PDLIM5: variants seen among roughly 807,000 people sequenced by gnomAD.
PDLIM5 encodes PDZ and LIM domain 5.
A neutral mutation model predicts 64.2 loss-of-function variants in PDLIM5; 34 were observed. The observed-to-expected ratio is 0.53, with a 90% CI of 0.40 to 0.71. The LOEUF (loss-of-function observed/expected upper bound fraction) is 0.71. Among genes scored for constraint, PDLIM5 ranks in the 30% least tolerant of loss-of-function variants. PDLIM5 has a pLI of 0.00. For synonymous variants in PDLIM5, 253 were observed against 269.1 expected (o/e 0.94, Z 0.59); for missense variants, 683 against 733.6 (o/e 0.93, Z 0.80).
chr4:94,590,621 C>T (rs1736600381), intron 7 of PDLIM5, among the ~76,000 whole-genome samples: 2 of 152,062 alleles, frequency 1.3e-5, no homozygotes, highest in African/African-American at 2.4e-5. Context: ...TCTGAGGAGA[C>T]GACCTTAATG....
At chr4:94,492,030 C>A (rs1297904706) in intron 2 of PDLIM5, among the ~76,000 whole-genome samples, 1 of 151,742 alleles carries the variant, frequency 6.6e-6, no homozygotes, top group Non-Finnish European at 1.5e-5. Flanking sequence ...ATCTTTTGAC[C>A]AGTAACTCCC....
At chr4:94,585,001 AC>A in intron 5 of PDLIM5, 1 of 1,509,464 alleles carries the variant, frequency 6.6e-7, no homozygotes, top group Non-Finnish European at 9.2e-7. Context: ...TCCCACCTAA[AC>A]GGTAATCTTT....
rs114621202 is a variant in PDLIM5, at chr4:94,523,774, G to A, written c.147G>A (p.Val49=). 3.5e-5 allele frequency: 57 copies of A among 1,612,626 alleles called. No homozygotes were observed. Among genetic ancestry groups the A allele is most frequent in the Non-Finnish European group, 4.7e-5 (55 of 1,178,832 alleles). Residue 49 remains valine, a synonymous_variant, in exon 3 of 13, where the codon GTG becomes GTA. Coordinates refer to ENST00000317968, the MANE Select transcript of PDLIM5 (RefSeq NM_006457.5). ...AGGCAAATGTAAGAATAGGCGATGT[G>A]GTTCTCAGCATTGATGGAATAAATG... ...AAQANVRIGD[V]VLSIDGINAQ... is the part of the protein sequence containing the mutation.
At chr4:94,502,997 C>T (rs193275135) in intron 2 of PDLIM5, among the ~76,000 whole-genome samples, 7 of 152,130 alleles carry the variant, frequency 4.6e-5, no homozygotes, top group African/African-American at 7.2e-5. Flanking sequence ...TTTTGCAGGG[C>T]GAGCTTTGGT....
At chr4:94,628,548 T>G (rs1387643080) in intron 8 of PDLIM5, among the ~76,000 whole-genome samples, 2 of 152,138 alleles carry the variant, frequency 1.3e-5, no homozygotes, top group African/African-American at 4.8e-5. Flanking sequence ...CTTCATTTTT[T>G]TTCCCCTACA....
intron 7 of PDLIM5, chr4:94,608,197 GTGTTTCT>G: frequency 6.6e-7 from 1 of 1,508,736 alleles, no homozygotes; most frequent in Non-Finnish European, 8.9e-7. Context: ...TTCCTTCTTG[GTGTTTCT>G]AAATTTCAAA....
chr4:94,638,340 A>T (rs1381784685), intron 8 of PDLIM5, among the ~76,000 whole-genome samples: 1 of 152,156 alleles, frequency 6.6e-6, no homozygotes, highest in African/African-American at 2.4e-5. Context: ...AGAGAATGGA[A>T]ACATGTTCCT....
chr4:94,468,044 A>G (rs915931457), intron 2 of PDLIM5, among the ~76,000 whole-genome samples: 1 of 152,236 alleles, frequency 6.6e-6, no homozygotes, highest in Non-Finnish European at 1.5e-5. Flanking sequence ...GTTAAGACCA[A>G]TGCAAAGTTT....
intron 7 of PDLIM5, among the ~76,000 whole-genome samples, chr4:94,600,017 A>G (rs893168579): frequency 1.3e-5 from 2 of 152,210 alleles, no homozygotes; most frequent in African/African-American, 4.8e-5. Context: ...CAGTGAAGAA[A>G]TAAGAGTCCA....
At chr4:94,490,433 C>T (rs1726767317) in intron 2 of PDLIM5, among the ~76,000 whole-genome samples, 1 of 152,028 alleles carries the variant, frequency 6.6e-6, no homozygotes, top group Admixed American at 6.6e-5. Flanking sequence ...ATATTCCATA[C>T]ACTATGTATT....
intron 2 of PDLIM5, among the ~76,000 whole-genome samples, chr4:94,477,095 A>G (rs1489111076): frequency 6.6e-6 from 1 of 152,168 alleles, no homozygotes; most frequent in African/African-American, 2.4e-5. Flanking sequence ...AAGTTTGTGC[A>G]TGGTATTGTT....
intron 2 of PDLIM5, chr4:94,457,068 A>G (rs1479471064): frequency 8.1e-6 from 7 of 864,688 alleles, no homozygotes; most frequent in Non-Finnish European, 9.7e-6. Flanking sequence ...ATGTGTATGT[A>G]TAAATATATA....
At chr4:94,601,571 C>A (rs1038130476) in intron 7 of PDLIM5, among the ~76,000 whole-genome samples, 1 of 152,104 alleles carries the variant, frequency 6.6e-6, no homozygotes, top group African/African-American at 2.4e-5. Context: ...TTTGCTCTTA[C>A]AAAAAATCAA....
At chr4:94,469,105 C>G (rs563605589) in intron 2 of PDLIM5, among the ~76,000 whole-genome samples, 1 of 152,258 alleles carries the variant, frequency 6.6e-6, no homozygotes, top group African/African-American at 2.4e-5. Flanking sequence ...TAGTGGCAGA[C>G]AGAATCATTT....
At chr4:94,565,298 C>T (rs1200965937) in intron 3 of PDLIM5, among the ~76,000 whole-genome samples, 3 of 151,996 alleles carry the variant, frequency 2.0e-5, no homozygotes, top group Admixed American at 6.6e-5. Context: ...GAGCTGAACA[C>T]GATAAAAAAT....
At chr4:94,479,781 A>G (rs911511054) in intron 2 of PDLIM5, among the ~76,000 whole-genome samples, 8 of 152,168 alleles carry the variant, frequency 5.3e-5, no homozygotes, top group South Asian at 2.1e-4. Flanking sequence ...CTGCTTATTT[A>G]TCTCTTCTCA....
intron 7 of PDLIM5, among the ~76,000 whole-genome samples, chr4:94,596,143 A>C (rs939482568): frequency 2.6e-5 from 4 of 152,188 alleles, no homozygotes; most frequent in Non-Finnish European, 5.9e-5. Flanking sequence ...ACTAGTACTT[A>C]AAAATTATTG....
intron 3 of PDLIM5, among the ~76,000 whole-genome samples, chr4:94,541,457 A>G (rs111759473): frequency 0.011 from 1,643 of 152,318 alleles, 38 homozygotes; most frequent in African/African-American, 0.036. Flanking sequence ...AAAGTATAGA[A>G]ATAAATGAAG....
At chr4:94,578,962 G>A (rs539606426) in intron 5 of PDLIM5, among the ~76,000 whole-genome samples, 12 of 152,076 alleles carry the variant, frequency 7.9e-5, no homozygotes, top group Admixed American at 1.3e-4. Flanking sequence ...TAGTTTGATA[G>A]CTATTCCACG....
Sources: allele counts gnomAD v4.1 joint callset (sites outside exome capture counted in the v4.1 genomes callset), GRCh38; gene constraint gnomAD v4.1.1; transcripts MANE v1.5; gene names NCBI Gene and HGNC (gene_info 2026-07-23, HGNC 2026-07-21).